The following LMF1 variants were observed in gnomAD, a reference collection of about 807,000 sequenced individuals.
LMF1 encodes transmembrane protein 112.
LMF1 carries 68 observed loss-of-function variants against 60.6 expected under a neutral mutation model. The ratio of observed to expected loss-of-function variants is 1.12; its 90% CI spans 0.92 to 1.37. LMF1 has a LOEUF of 1.37. LMF1 is among the 40% of genes most tolerant of loss of function. The pLI, the probability that LMF1 is intolerant of heterozygous loss-of-function variation, is 0.00. For missense variants in LMF1, 948 were observed against 767.2 expected (o/e 1.24, Z -2.78); for synonymous variants, 418 against 324.7 (o/e 1.29, Z -3.09).
intron 2 of LMF1, chr16:954,100 C>T: frequency 1.7e-6 from 1 of 594,742 alleles, no homozygotes; most frequent in South Asian, 1.6e-5. Context: ...ATCCCTCTGG[C>T]TCCAGTAAGC....
chr16:976,877 C>T (rs532353689), intron 1 of LMF1: 44 of 454,098 alleles, frequency 9.7e-5, no homozygotes, highest in East Asian at 4.9e-4. Context: ...GGGTCCCCAG[C>T]GGTCAGTAGC....
intron 3 of LMF1, among the ~76,000 whole-genome samples, chr16:926,493 C>G (rs117044305): frequency 1.3e-5 from 2 of 152,212 alleles, no homozygotes; most frequent in African/African-American, 2.4e-5. Flanking sequence ...CATGTGCGCA[C>G]GTGTGTTTGC....
chr16:943,785 G>A (rs1183554672), intron 2 of LMF1, among the ~76,000 whole-genome samples: 1 of 148,082 alleles, frequency 6.8e-6, no homozygotes, highest in Non-Finnish European at 1.5e-5. Context: ...GTGTGTATCT[G>A]TAATGGCTGC....
chr16:944,785 C>T (rs111383796), intron 2 of LMF1, among the ~76,000 whole-genome samples: 4,820 of 152,300 alleles, frequency 0.032, 112 homozygotes, highest in Non-Finnish European at 0.048. Context: ...TTGCTGAAGT[C>T]TCGCCCTGTC....
At chr16:938,745 G>A (rs1282055012) in intron 2 of LMF1, among the ~76,000 whole-genome samples, 1 of 152,180 alleles carries the variant, frequency 6.6e-6, no homozygotes, top group Non-Finnish European at 1.5e-5. Context: ...ACAGACGAAG[G>A]GATGGATGGA....
At chr16:858,122 GAGTGGTGT>G (rs2069266614) in intron 10 of LMF1, among the ~76,000 whole-genome samples, 4 of 66,398 alleles carry the variant, frequency 6.0e-5, no homozygotes, top group Non-Finnish European at 8.6e-5. Context: ...GGATGGGTGT[GAGTGGTGT>G]CACGGGATGG....
chr16:917,127 C>T (rs187529057), intron 3 of LMF1, among the ~76,000 whole-genome samples: 32 of 152,354 alleles, frequency 2.1e-4, no homozygotes, highest in African/African-American at 7.5e-4. Context: ...CACACAGAAG[C>T]AATCCTGTGG....
In LMF1 at chr16:934,930, C is replaced by T. The variant is rs76717340; in HGVS notation, c.504-676G>A. 5.6e-3 allele frequency among the ~76,000 whole-genome samples: 847 copies of T among 152,296 alleles called. 11 individuals are homozygous for T. Among genetic ancestry groups the T allele is most frequent in the African/African-American group, 0.018 (728 of 41,562 alleles). On this transcript the variant is annotated intron_variant, in intron 2 of 10. Transcript: ENST00000262301. ...AAACCCCCTCTGCCACCTATGGTCCCGCAAGAGGCGGGCAGGATGCACCAA... is the reference window on the plus strand; with the variant it reads ...AAACCCCCTCTGCCACCTATGGTCCTGCAAGAGGCGGGCAGGATGCACCAA...
upstream of LMF1, chr16:981,339 AG>A (rs2073363878): frequency 2.1e-4 from 64 of 306,564 alleles, no homozygotes; most frequent in African/African-American, 5.2e-4. Flanking sequence ...AGAGAGAGAG[AG>A]AGAGAGAGTG....
intron 3 of LMF1, among the ~76,000 whole-genome samples, chr16:928,537 C>G (rs1318374373): frequency 6.6e-6 from 1 of 152,168 alleles, no homozygotes; most frequent in Non-Finnish European, 1.5e-5. Flanking sequence ...GAACCCTTCC[C>G]TGGGTCCTGG....
At chr16:930,030 C>T (rs55939106) in intron 3 of LMF1, among the ~76,000 whole-genome samples, 13,694 of 142,534 alleles carry the variant, frequency 0.096, 1,173 homozygotes, top group African/African-American at 0.24. Flanking sequence ...TCCGTGTGAA[C>T]GGGGGCACAG....
intron 2 of LMF1, among the ~76,000 whole-genome samples, chr16:938,614 C>T (rs1217536944): frequency 6.6e-6 from 1 of 152,212 alleles, no homozygotes; most frequent in Non-Finnish European, 1.5e-5. Flanking sequence ...TTGCCTCTTA[C>T]TGGAGCTGCC....
At chr16:959,396 C>T (rs1397989287) in intron 1 of LMF1, among the ~76,000 whole-genome samples, 1 of 152,118 alleles carries the variant, frequency 6.6e-6, no homozygotes, top group African/African-American at 2.4e-5. Context: ...CAGACCCGGG[C>T]GTGCCAGGGG....
At chr16:922,656 G>C (rs113695995) in intron 3 of LMF1, among the ~76,000 whole-genome samples, 8 of 125,416 alleles carry the variant, frequency 6.4e-5, no homozygotes, top group East Asian at 4.2e-4. Context: ...AAAGTCGCCT[G>C]GGTTTTCGGG....
At chr16:891,828 CCT>C (rs1399270920) in intron 5 of LMF1, among the ~76,000 whole-genome samples, 11 of 152,232 alleles carry the variant, frequency 7.2e-5, no homozygotes, top group Non-Finnish European at 1.2e-4. Context: ...TTGGCGAAAG[CCT>C]CTCACACACG....
At chr16:968,160 G>A (rs529759099) in intron 1 of LMF1, among the ~76,000 whole-genome samples, 17 of 152,218 alleles carry the variant, frequency 1.1e-4, no homozygotes, top group Non-Finnish European at 1.6e-4. Context: ...GTGGGAAGGA[G>A]CCAGCCCCAG....
chr16:944,338 C>T (rs1393296687), intron 2 of LMF1, among the ~76,000 whole-genome samples: 2 of 152,222 alleles, frequency 1.3e-5, no homozygotes, highest in Non-Finnish European at 2.9e-5. Context: ...AGAACAAACC[C>T]AAGGACTTAG....
At chr16:866,393 G>A (rs1237390088) in intron 10 of LMF1, among the ~76,000 whole-genome samples, 2 of 152,178 alleles carry the variant, frequency 1.3e-5, no homozygotes, top group African/African-American at 2.4e-5. Context: ...ACACTATGGC[G>A]GGGGTGGCCT....
intron 2 of LMF1, among the ~76,000 whole-genome samples, chr16:940,462 G>A (rs924861374): frequency 7.9e-5 from 12 of 152,068 alleles, no homozygotes; most frequent in Admixed American, 5.2e-4. Context: ...CGCAGGCAGC[G>A]TCCTGCCTGG....
Sources: allele counts gnomAD v4.1 joint callset (sites outside exome capture counted in the v4.1 genomes callset), GRCh38; gene constraint gnomAD v4.1.1; transcripts MANE v1.5; gene names NCBI Gene and HGNC (gene_info 2026-07-23, HGNC 2026-07-21).